Variants in HPF1 observed in about 807,000 individuals in gnomAD.
The protein encoded by HPF1 is histone PARylation factor 1, also known as UPF0609 protein C4orf27.
HPF1 carries 35 observed loss-of-function variants against 38.8 expected under a neutral mutation model. The observed-to-expected ratio is 0.90, with a 90% confidence interval of 0.69 to 1.19. The LOEUF (loss-of-function observed/expected upper bound fraction) is 1.19. Among genes scored for constraint, HPF1 ranks in the 50% most tolerant of loss-of-function variants. HPF1 has a pLI of 0.00. For synonymous variants in HPF1, 115 were observed against 139.2 expected (o/e 0.83, Z 1.22); for missense variants, 367 against 405.8 (o/e 0.90, Z 0.82).
Position 169,757,889 on chromosome 4 carries a change from A to G in HPF1, c.-12T>C. On this transcript the variant is annotated 5_prime_UTR_variant, in exon 1 of 8. Coordinates refer to ENST00000393381, the MANE Select transcript of HPF1 (RefSeq NM_017867.3). ...CCACCGCCGACCATTCTGCAGCTGCAGCGCCAGCAGAATTCCCCGATCCGC... is the reference window on the plus strand; with the variant it reads ...CCACCGCCGACCATTCTGCAGCTGCGGCGCCAGCAGAATTCCCCGATCCGC... The G allele has an allele frequency of 6.4e-7, 1 of 1,550,664 alleles. No individual in the cohort carries two copies.
chr4:169,748,980 C>A (rs530347300), intron 3 of HPF1, 138 bp from the exon 4 acceptor site: 1 of 493,138 alleles, frequency 2.0e-6, no homozygotes, highest in Non-Finnish European at 3.6e-6. Flanking sequence ...TTAATCATAC[C>A]AGAATTTATC....
At chr4:169,743,903 G>C (rs1177816275) in intron 4 of HPF1, among the ~76,000 whole-genome samples, 1 of 151,460 alleles carries the variant, frequency 6.6e-6, no homozygotes, top group East Asian at 1.9e-4. Flanking sequence ...ACAGAGGATA[G>C]TCAACTTACC....
At chr4:169,731,921 A>G (rs757564477) in intron 6 of HPF1, 45 bp from the exon 7 acceptor site, 1 of 1,464,828 alleles carries the variant, frequency 6.8e-7, no homozygotes, top group Non-Finnish European at 9.5e-7. Flanking sequence ...ATAGTTAGAA[A>G]ATGAATCAGT....
chr4:169,743,953 C>T lies in HPF1; in HGVS notation c.498-1846G>A, dbSNP rs1279458245. Among the ~76,000 whole-genome samples, 14 of 152,060 alleles carry T rather than the reference C, an allele frequency of 9.2e-5. No homozygotes were observed. The South Asian group carries it at 1.2e-3, about 13-fold the overall frequency. On this transcript the variant is annotated intron_variant, in intron 4 of 7. Transcript: ENST00000393381. ...TAATAGATTAAACCCGTAGAGTTAC[C>T]AGTAGAACTGGTAGATTAAAATGCC...
chr4:169,757,745 T>C (rs1189844817), intron 1 of HPF1, 85 bp downstream of exon 1: 5 of 1,258,594 alleles, frequency 4.0e-6, no homozygotes, highest in African/African-American at 1.5e-5. Context: ...TAATAGTCAC[T>C]GGATGAATGA....
At chr4:169,735,378 A>G (rs1192052322) in intron 6 of HPF1, among the ~76,000 whole-genome samples, 6 of 152,166 alleles carry the variant, frequency 3.9e-5, no homozygotes, top group Admixed American at 6.5e-5. Flanking sequence ...TTAAGAACAA[A>G]CTTAGTTGTG....
chr4:169,754,255 G>C (rs1002604328), intron 1 of HPF1, among the ~76,000 whole-genome samples: 2 of 152,162 alleles, frequency 1.3e-5, no homozygotes, highest in African/African-American at 4.8e-5. Context: ...TTAAAAAGCT[G>C]TTTCTTTAGC....
intron 4 of HPF1, among the ~76,000 whole-genome samples, chr4:169,744,214 CA>C (rs1734016402): frequency 6.6e-6 from 1 of 152,208 alleles, no homozygotes; most frequent in African/African-American, 2.4e-5. Flanking sequence ...CACACTTTCA[CA>C]CACATACTGC....
rs1217133797 is a variant in HPF1, at chr4:169,731,793, T to C, written c.820A>G (p.Met274Val). ...TTAGCAAACTGCACAAAAGTCATCA[T>C]TTCCTGAATGGGAGCAAAAGCTTTT... Reference protein sequence around the residue: ...RLKAFAPIQEMMTFVQFANDE... With the variant: ...RLKAFAPIQEVMTFVQFANDE... Residue 274 changes from methionine (M) to valine (V), a missense_variant, in exon 7 of 8, where the codon ATG (methionine) becomes GTG (valine). Physicochemically the swap from Met to Val is conservative, Grantham distance 21. Transcript: ENST00000393381. 1.2e-6 allele frequency: 2 copies of C among 1,607,524 alleles called. No homozygotes were observed. The highest frequency in any genetic ancestry group is 2.7e-5 in the African/African-American group (2 of 74,400).
intron 5 of HPF1, among the ~76,000 whole-genome samples, chr4:169,740,890 G>A (rs1237928960): frequency 1.3e-5 from 2 of 152,196 alleles, no homozygotes; most frequent in African/African-American, 4.8e-5. Flanking sequence ...CAGCTATTAT[G>A]TGTACGGATG....
rs758116462 is a variant in HPF1 at position 169,748,844 on chromosome 4, T to C, written c.399-2A>G. 5 of 1,391,722 alleles carry C rather than the reference T, an allele frequency of 3.6e-6. No homozygotes were observed. The highest frequency in any genetic ancestry group is 1.3e-5 in the South Asian group (1 of 75,940). The allele number at this position is 1,391,722 out of a possible 1,614,324, so 86.2% of individuals were successfully genotyped here. ...ACAGGAAATTCATCAGGAGAATCCC[T>C]GTGTAAGCAAAAGACATTAAAAATT... On this transcript the variant is annotated splice_acceptor_variant, in intron 3 of 7. Transcript: ENST00000393381. LOFTEE classifies it high-confidence loss of function.
At chr4:169,731,597 C>A in intron 7 of HPF1, 107 bp downstream of exon 7, 1 of 810,726 alleles carries the variant, frequency 1.2e-6, no homozygotes, top group Non-Finnish European at 1.8e-6. Context: ...CTTACCTCTG[C>A]TGGAATTTGG....
At chr4:169,739,120 C>T (rs1294068038) in intron 5 of HPF1, among the ~76,000 whole-genome samples, 10 of 151,976 alleles carry the variant, frequency 6.6e-5, no homozygotes, top group Admixed American at 4.6e-4. Flanking sequence ...CACATGTACC[C>T]TAAAATTTAA....
chr4:169,742,018 G>A lies in HPF1; in HGVS notation c.587C>T (p.Ala196Val). The A allele has an allele frequency of 6.2e-7, 1 of 1,612,600 alleles. No individual in the cohort carries two copies. The highest frequency in any genetic ancestry group is 8.5e-7 in the Non-Finnish European group (1 of 1,178,730). ...KNIDEKLTEA[A>V]RELGYSLEQR... ...TTCAAGCGAGTACCCCAATTCTCTG[G>A]CTGCTTCTGTGAGTTTTTCATCTAT... The change falls in exon 5 of 8, where the codon GCC (alanine) becomes GTC (valine). Residue 196 changes from alanine (A) to valine (V), a missense_variant. Transcript: ENST00000393381.
chr4:169,729,858 A>G (rs1489467994), intron 7 of HPF1, 149 bp from the exon 8 acceptor site: 6 of 490,584 alleles, frequency 1.2e-5, no homozygotes, highest in Non-Finnish European at 1.9e-5. Context: ...ACATAATTTA[A>G]GGACAGGCGC....
Position 169,737,680 on chromosome 4 carries a change from C to A in HPF1, c.716G>T (p.Arg239Leu), listed in dbSNP as rs1351230889. ...ATTACCATCTGTTTCAGGGAGCTCT[C>A]GGTACCCAACATCATTTTTATCTAC... ...VPVDKNDVGY[R>L]ELPETDADLK... Residue 239 changes from arginine (R) to leucine (L), a missense_variant, in exon 6 of 8, where the codon CGA becomes CTA. Transcript: ENST00000393381. 3 of 1,608,098 alleles carry A rather than the reference C, an allele frequency of 1.9e-6. No homozygotes were observed. The highest frequency in any genetic ancestry group is 2.2e-5 in the South Asian group (2 of 90,958).
intron 7 of HPF1, 57 bp downstream of exon 7, chr4:169,731,647 G>T: frequency 2.2e-6 from 3 of 1,338,476 alleles, no homozygotes; most frequent in Non-Finnish European, 3.0e-6. Flanking sequence ...GATGTATGTC[G>T]CGGGGAGAGG....
chr4:169,750,680 T>C lies in HPF1; in HGVS notation c.254A>G (p.Asp85Gly). 6.2e-7 allele frequency: 1 copy of C among 1,613,722 alleles called. No homozygotes were observed. The highest frequency in any genetic ancestry group is 8.5e-7 in the Non-Finnish European group (1 of 1,179,856). ...CGTTTTATGTTTTCCAGCAAGGATA[T>C]CATAAGGACCAACTAATTGAAGTCC... ...SLGLQLVGPY[D>G]ILAGKHKTKK... The change falls in exon 3 of 8, where the codon GAT becomes GGT. Residue 85 changes from aspartate (D) to glycine (G), a missense_variant. By Grantham distance (94) the Asp-to-Gly change is moderately conservative (BLOSUM62 -1). Coordinates refer to ENST00000393381, the MANE Select transcript of HPF1 (RefSeq NM_017867.3).
intron 3 of HPF1, among the ~76,000 whole-genome samples, chr4:169,749,224 A>C (rs1310249898): frequency 6.6e-6 from 1 of 152,188 alleles, no homozygotes; most frequent in Non-Finnish European, 1.5e-5. Context: ...TAAATATTGC[A>C]AAGTTAGGCT....
Sources: allele counts gnomAD v4.1 joint callset (sites outside exome capture counted in the v4.1 genomes callset), GRCh38; gene constraint gnomAD v4.1.1; transcripts MANE v1.5; gene names NCBI Gene and HGNC (gene_info 2026-07-23, HGNC 2026-07-21).